Variants in POLQ observed in about 807,000 individuals in gnomAD.
POLQ encodes the protein DNA polymerase theta, also known as epididymis secretory sperm binding protein.
In POLQ, 233 loss-of-function variants were observed where a neutral mutation model predicts 259.2. The ratio of observed to expected loss-of-function variants is 0.90; its 90% CI spans 0.81 to 1.00. The LOEUF (loss-of-function observed/expected upper bound fraction) is 1.00. Ranked by LOEUF, POLQ falls within the 50% of genes least tolerant of loss-of-function variation. POLQ has a pLI of 0.00. For synonymous variants in POLQ, 1,025 were observed against 1,048.8 expected (o/e 0.98, Z 0.44); for missense variants, 2,871 against 3,051.6 (o/e 0.94, Z 1.39).
rs147281904 is a variant in POLQ at position 121,472,086 on chromosome 3, T to A, written c.6622A>T (p.Thr2208Ser). The A allele has an allele frequency of 1.6e-5, 25 of 1,578,536 alleles. No individual in the cohort carries two copies. The highest frequency in any genetic ancestry group is 3.3e-5 in the Admixed American group (2 of 59,708). Residue 2208 changes from threonine (T) to serine (S), a missense_variant, in exon 22 of 30, where the codon ACC (threonine) becomes TCC (serine). Thr to Ser is a moderately conservative substitution (Grantham distance 58). Coordinates refer to ENST00000264233, the MANE Select transcript of POLQ (RefSeq NM_199420.4). The stretch of plus-strand genomic sequence containing the variant: ...CGCTGAAGGGGAAAGACCACTTTGG[T>A]AATAGCATTAGTGATTCTTCTCCAT... ...LEWRRITNAITKVVFPLQREK... is the reference protein window; with the variant it reads ...LEWRRITNAISKVVFPLQREK...
Position 121,545,896 on chromosome 3 carries a change from G to T in POLQ, c.-19C>A. The T allele has an allele frequency of 6.2e-7, 1 of 1,612,504 alleles. No homozygotes were observed. The highest frequency in any genetic ancestry group is 1.1e-5 in the South Asian group (1 of 90,912). On this transcript the variant is annotated 5_prime_UTR_variant, in exon 1 of 30. Transcript: ENST00000264233. ...GATTCATGGCAAACTCTTCTCGGCC[G>T]ATCAGGGCAAGCCACAGTCCCAGCG...
intron 26 of POLQ, among the ~76,000 whole-genome samples, chr3:121,446,828 A>G (rs1248764429): frequency 6.6e-6 from 1 of 151,864 alleles, no homozygotes; most frequent in Non-Finnish European, 1.5e-5. Context: ...TTTTCAGTCT[A>G]TATCTTTAGA....
Position 121,476,600 on chromosome 3 carries a change from G to A in POLQ, c.6345C>T (p.Thr2115=). 6.2e-7 allele frequency: 1 copy of A among 1,613,828 alleles called. No homozygotes were observed. The highest frequency in any genetic ancestry group is 8.5e-7 in the Non-Finnish European group (1 of 1,179,880). ...IMQAKLDAIE[T]QAYQLAGHSF... is the part of the protein sequence containing the mutation. ...TGTGGCCAGCTAGTTGATAGGCCTG[G>A]GTCTCAATTGCATCCAGCTTGGCTT... Residue 2115 remains threonine (T), a synonymous_variant, in exon 20 of 30, where the codon ACC becomes ACT. Coordinates refer to ENST00000264233, the MANE Select transcript of POLQ (RefSeq NM_199420.4).
rs566218722 is a variant in POLQ, at chr3:121,456,210, T to C, written c.7152+3840A>G. On this transcript the variant is annotated intron_variant, in intron 25 of 29. Coordinates refer to ENST00000264233, the MANE Select transcript of POLQ (RefSeq NM_199420.4). ...CTTCATGCTAAAAACTCTCAATAAA[T>C]CAGGTACTGATGGGACATATCTCAA... Among the ~76,000 whole-genome samples, 4 of 152,182 alleles carry C rather than the reference T, an allele frequency of 2.6e-5. No individual in the cohort carries two copies. In the East Asian group the frequency reaches 7.7e-4, roughly 29 times the overall value.
intron 15 of POLQ, among the ~76,000 whole-genome samples, chr3:121,493,192 C>T (rs2108800488): frequency 6.6e-6 from 1 of 151,936 alleles, no homozygotes; most frequent in Non-Finnish European, 1.5e-5. Flanking sequence ...ATCCCAGCTA[C>T]TCAGGAGGCT....
At chr3:121,477,976 T>C (rs574493750) in intron 19 of POLQ, among the ~76,000 whole-genome samples, 1 of 152,200 alleles carries the variant, frequency 6.6e-6, no homozygotes, top group South Asian at 2.1e-4. Context: ...TACTTGAGAC[T>C]AGAGAAATAA....
intron 24 of POLQ, 24 bp from the exon 25 acceptor site, chr3:121,460,258 A>T: frequency 6.4e-7 from 1 of 1,569,798 alleles, no homozygotes; most frequent in Non-Finnish European, 8.8e-7. Flanking sequence ...GATTTCAGAA[A>T]AGCTAGTACA....
intron 5 of POLQ, among the ~76,000 whole-genome samples, chr3:121,535,023 T>C (rs1351274669): frequency 6.6e-5 from 10 of 152,226 alleles, no homozygotes; most frequent in Non-Finnish European, 1.5e-4. Flanking sequence ...CTCTGCTGTT[T>C]TGAGGTAATT....
At chr3:121,531,972 G>A (rs1172521403) in intron 6 of POLQ, among the ~76,000 whole-genome samples, 1 of 152,144 alleles carries the variant, frequency 6.6e-6, no homozygotes, top group African/African-American at 2.4e-5. Flanking sequence ...TTAGTACTCA[G>A]AGGCACAACT....
chr3:121,495,225 C>T (rs868145848), intron 14 of POLQ, among the ~76,000 whole-genome samples: 4 of 151,586 alleles, frequency 2.6e-5, no homozygotes, highest in Non-Finnish European at 5.9e-5. Context: ...GAGCCGAGAT[C>T]GTGCCATTGC....
Position 121,541,331 on chromosome 3 carries a change from C to T in POLQ, c.474+18G>A. On this transcript the variant is annotated intron_variant, in intron 3 of 29. Coordinates refer to ENST00000264233, the MANE Select transcript of POLQ (RefSeq NM_199420.4). ...ATAATGAGCCTTTCACTATTTCAAA[C>T]TTAGTAAAAAACATTACCTGGAGGT... 1 of 1,561,764 alleles carries T rather than the reference C, an allele frequency of 6.4e-7. No individual in the cohort carries two copies. The highest frequency in any genetic ancestry group is 8.7e-7 in the Non-Finnish European group (1 of 1,153,458).
At chr3:121,450,049 G>T (rs148189483) in intron 25 of POLQ, among the ~76,000 whole-genome samples, 1 of 152,272 alleles carries the variant, frequency 6.6e-6, no homozygotes, top group African/African-American at 2.4e-5. Context: ...GACGGCCGGG[G>T]TTCAAAGCCT....
chr3:121,445,862 CA>C (rs35509569), intron 26 of POLQ, among the ~76,000 whole-genome samples: 91,092 of 143,940 alleles, frequency 0.63, 28,524 homozygotes, highest in East Asian at 0.88. Context: ...CACTCCATCT[CA>C]AAAAAAAAAA....
rs2048488979 is a variant in POLQ at position 121,541,435 on chromosome 3, A to G, written c.388T>C (p.Leu130=). ...GKTLVAELLI[L]KRVLEMRKKA... ...TTCCGCATTTCCAAAACCCGCTTCA[A>G]AATAAGTAATTCTGCCACAAGAGTC... The change falls in exon 3 of 30, where the codon TTG becomes CTG. Residue 130 remains leucine, a synonymous_variant. Coordinates refer to ENST00000264233, the MANE Select transcript of POLQ (RefSeq NM_199420.4). The G allele has an allele frequency of 6.2e-7, 1 of 1,611,922 alleles. No individual in the cohort carries two copies.
Position 121,545,881 on chromosome 3 carries a change from A to C in POLQ, c.-4T>G, listed in dbSNP as rs748392252. 6.2e-7 allele frequency: 1 copy of C among 1,613,708 alleles called. No homozygotes were observed. Among genetic ancestry groups the C allele is most frequent in the Non-Finnish European group, 8.5e-7 (1 of 1,179,942 alleles). On this transcript the variant is annotated 5_prime_UTR_variant, in exon 1 of 30. Coordinates refer to ENST00000264233, the MANE Select transcript of POLQ (RefSeq NM_199420.4). ...CACTCCGACGCAGAAGATTCATGGCAAACTCTTCTCGGCCGATCAGGGCAA... is the reference window on the plus strand; with the variant it reads ...CACTCCGACGCAGAAGATTCATGGCCAACTCTTCTCGGCCGATCAGGGCAA...
In POLQ at chr3:121,529,783, C is replaced by A; in HGVS notation, c.970G>T (p.Asp324Tyr). 6.2e-7 allele frequency: 1 copy of A among 1,608,998 alleles called. No individual in the cohort carries two copies. Among genetic ancestry groups the A allele is most frequent in the South Asian group, 1.1e-5 (1 of 90,424 alleles). The change falls in exon 7 of 30, where the codon GAC (aspartate) becomes TAC (tyrosine). Residue 324 changes from aspartate (D) to tyrosine (Y), a missense_variant. This residue lies in a region of POLQ where 783 missense variants were observed against 906.2 expected (regional missense o/e 0.86). Transcript: ENST00000264233. ...EPMLQVKGDE[D>Y]HVVSLCYETI... ...TCATAACATAAACTAACAACATGGT[C>A]CTCATCTCCCTAAAACAGAAAGATA...
At chr3:121,509,880 A>C (rs1423789229) in intron 11 of POLQ, among the ~76,000 whole-genome samples, 159 bp downstream of exon 11, 1 of 152,278 alleles carries the variant, frequency 6.6e-6, no homozygotes, top group Admixed American at 6.5e-5. Context: ...TGAAGTTGCT[A>C]AATACAATAC....
chr3:121,456,865 C>A (rs888715138), intron 25 of POLQ, among the ~76,000 whole-genome samples: 3 of 152,166 alleles, frequency 2.0e-5, no homozygotes, highest in African/African-American at 7.2e-5. Flanking sequence ...ACTTTCTTCA[C>A]AGAATTGGAA....
At chr3:121,530,018 G>C (rs2048399714) in intron 6 of POLQ, among the ~76,000 whole-genome samples, 1 of 152,168 alleles carries the variant, frequency 6.6e-6, no homozygotes, top group Admixed American at 6.5e-5. Context: ...AATATTTACT[G>C]AGCTCCAACC....
Sources: allele counts gnomAD v4.1 joint callset (sites outside exome capture counted in the v4.1 genomes callset), GRCh38; gene constraint gnomAD v4.1.1; regional missense constraint gnomAD v4.1.1; transcripts MANE v1.5; gene names NCBI Gene and HGNC (gene_info 2026-07-23, HGNC 2026-07-21).